Variants in YAF2 observed in about 807,000 individuals in gnomAD.
YAF2 encodes the protein YY1-associated factor 2.
In YAF2, 7 loss-of-function variants were observed where a neutral mutation model predicts 20.1. The ratio of observed to expected loss-of-function variants is 0.35; its 90% CI spans 0.20 to 0.65. The LOEUF (loss-of-function observed/expected upper bound fraction) is 0.65, where lower values mean the gene tolerates loss of function less well. Among genes scored for constraint, YAF2 ranks in the 30% least tolerant of loss-of-function variants. YAF2 has a pLI of 0.69. For synonymous variants in YAF2, 74 were observed against 76.0 expected (o/e 0.97, Z 0.14); for missense variants, 151 against 219.2 (o/e 0.69, Z 1.96).
chr12:42,190,192 A>C (rs752098066), intron 2 of YAF2, among the ~76,000 whole-genome samples: 2 of 152,142 alleles, frequency 1.3e-5, no homozygotes, highest in Non-Finnish European at 2.9e-5. Flanking sequence ...AAAATTTTAG[A>C]AATGAGCTGG....
chr12:42,183,971 A>G (rs1448862930), intron 2 of YAF2, among the ~76,000 whole-genome samples: 1 of 152,220 alleles, frequency 6.6e-6, no homozygotes, highest in African/African-American at 2.4e-5. Flanking sequence ...ACCCTTTGAA[A>G]TTATGCTAAA....
intron 2 of YAF2, among the ~76,000 whole-genome samples, chr12:42,163,916 T>C (rs79360946): frequency 0.02 from 3,110 of 152,272 alleles, 115 homozygotes; most frequent in African/African-American, 0.069. Flanking sequence ...CCTTTTCTAT[T>C]TGATGAGAAA....
In YAF2 at chr12:42,158,826, T is replaced by C. The variant is rs181127654; in HGVS notation, c.*1763A>G. Reference sequence around the variant, plus strand: ...AGATGTAATTCCTTTAAAGCATAGTTTTTGACTTAAAAATTAAATATTTTC... The same window carrying C: ...AGATGTAATTCCTTTAAAGCATAGTCTTTGACTTAAAAATTAAATATTTTC... On this transcript the variant is annotated 3_prime_UTR_variant, in exon 4 of 4. Transcript: ENST00000534854. 4.4e-4 allele frequency: 67 copies of C among 152,312 alleles called. No homozygotes were observed. Among genetic ancestry groups the C allele is most frequent in the Non-Finnish European group, 7.5e-4 (51 of 68,014 alleles). The allele number at this position is 152,312 out of a possible 1,614,324, so 9.4% of individuals were successfully genotyped here. A position where few individuals can be genotyped will look rare whatever the true frequency, so the allele number is the denominator to read the frequency against.
intron 2 of YAF2, chr12:42,237,342 C>T: frequency 1.9e-6 from 2 of 1,071,720 alleles, no homozygotes; most frequent in Non-Finnish European, 1.2e-6. Flanking sequence ...CGAATTAAAT[C>T]GCAGTAGCTA....
At chr12:42,231,244 A>G (rs1335716981) in intron 2 of YAF2, 2 of 152,230 alleles carry the variant, frequency 1.3e-5, no homozygotes, top group Admixed American at 6.5e-5. Flanking sequence ...TTTTTATTTT[A>G]AAAACTTATT....
intron 2 of YAF2, among the ~76,000 whole-genome samples, chr12:42,206,695 C>T (rs1359862464): frequency 2.0e-5 from 3 of 151,498 alleles, no homozygotes; most frequent in Non-Finnish European, 4.4e-5. Flanking sequence ...TAAATCACTT[C>T]TTTAATGACA....
At chr12:42,172,589 G>A (rs1043262760) in intron 2 of YAF2, among the ~76,000 whole-genome samples, 1 of 152,164 alleles carries the variant, frequency 6.6e-6, no homozygotes, top group African/African-American at 2.4e-5. Flanking sequence ...GAAGCCCAGA[G>A]ATAGCAGAAG....
At chr12:42,174,950 A>T (rs1284257505) in intron 2 of YAF2, among the ~76,000 whole-genome samples, 3 of 152,214 alleles carry the variant, frequency 2.0e-5, no homozygotes, top group Admixed American at 6.5e-5. Context: ...TTTTCCTCAA[A>T]GGCATACATA....
intron 2 of YAF2, among the ~76,000 whole-genome samples, chr12:42,192,341 C>CCACA (rs368412248): frequency 1.3e-4 from 19 of 151,848 alleles, no homozygotes; most frequent in African/African-American, 4.6e-4. Context: ...GACCTCATCT[C>CCACA]CACACACACA....
chr12:42,233,252 A>G, intron 2 of YAF2: 1 of 985,416 alleles, frequency 1.0e-6, no homozygotes, highest in Non-Finnish European at 1.2e-6. Context: ...CTGTTATAAT[A>G]TCCTCTAACA....
chr12:42,193,836 T>C (rs1053409293), intron 2 of YAF2, among the ~76,000 whole-genome samples: 2 of 152,126 alleles, frequency 1.3e-5, no homozygotes, highest in Non-Finnish European at 2.9e-5. Context: ...GACGGCTCCA[T>C]GCATGTTATT....
chr12:42,184,560 G>A (rs571201716), intron 2 of YAF2, among the ~76,000 whole-genome samples: 21 of 152,178 alleles, frequency 1.4e-4, no homozygotes, highest in African/African-American at 4.3e-4. Context: ...TTGACTCACC[G>A]CAGCCTCTCA....
At position 42,210,408 on chromosome 12, in the gene YAF2, G is replaced by A. The variant is rs779725640; in HGVS notation, c.152+27191C>T. The stretch of plus-strand genomic sequence containing the variant: ...TTTCCCTCACAGATCCACCTCTCTT[G>A]CCCTTCTGTTCAGCATGAGAATCTT... On this transcript the variant is annotated intron_variant, in intron 2 of 3. Transcript: ENST00000534854. 28 of 1,533,048 alleles carry A rather than the reference G, an allele frequency of 1.8e-5. No individual in the cohort carries two copies. The South Asian group carries it at 3.4e-4, about 18-fold the overall frequency. 95.0% of individuals were successfully genotyped at this position (1,533,048 alleles called of 1,614,324 possible).
At chr12:42,166,943 AGAT>A (rs2065929685) in intron 2 of YAF2, among the ~76,000 whole-genome samples, 1 of 151,598 alleles carries the variant, frequency 6.6e-6, no homozygotes, top group Admixed American at 6.6e-5. Context: ...CTATCCTTCT[AGAT>A]GATGCCACCA....
At chr12:42,185,559 T>C (rs2066451597) in intron 2 of YAF2, among the ~76,000 whole-genome samples, 1 of 152,186 alleles carries the variant, frequency 6.6e-6, no homozygotes, top group South Asian at 2.1e-4. Flanking sequence ...GTCTTAATTT[T>C]AAAAATTGCT....
chr12:42,170,166 C>T (rs1448382855), intron 2 of YAF2, among the ~76,000 whole-genome samples: 3 of 152,146 alleles, frequency 2.0e-5, no homozygotes, highest in South Asian at 2.1e-4. Context: ...GCCACCAGAC[C>T]CGGCTATGTT....
At chr12:42,192,874 CAT>C (rs1361972243) in intron 2 of YAF2, among the ~76,000 whole-genome samples, 1 of 152,250 alleles carries the variant, frequency 6.6e-6, no homozygotes, top group East Asian at 1.9e-4. Context: ...CAACAAACCA[CAT>C]ATGTGACACT....
chr12:42,172,088 A>G (rs2066066167), intron 2 of YAF2: 1 of 152,144 alleles, frequency 6.6e-6, no homozygotes, highest in South Asian at 2.1e-4. Flanking sequence ...TCTATATTTG[A>G]TTTAGTTGTG....
At position 42,175,182 on chromosome 12, in the gene YAF2, AC is replaced by A. The variant is rs2066148326; in HGVS notation, c.153-13418del. On this transcript the variant is annotated intron_variant, in intron 2 of 3. Transcript: ENST00000534854. The stretch of plus-strand genomic sequence containing the variant: ...CTGTGGTACATCCATACAATGGAAT[AC>A]TACTCAGCAACACAAAGAAATGAAC... 2.0e-5 allele frequency among the ~76,000 whole-genome samples: 3 copies of A among 152,242 alleles called. No individual in the cohort carries two copies. In the South Asian group the frequency reaches 6.2e-4, roughly 32 times the overall value.
Sources: gnomAD v4.1 joint callset for allele counts (sites outside exome capture counted in the v4.1 genomes callset) on GRCh38, gnomAD v4.1.1 for gene constraint, MANE v1.5 for transcripts, NCBI Gene and HGNC (gene_info 2026-07-23, HGNC 2026-07-21) for gene names.